The following SV2C variants were observed in gnomAD, a reference collection of about 807,000 sequenced individuals.
SV2C encodes synaptic vesicle glycoprotein 2C.
In SV2C, 49 loss-of-function variants were observed where a neutral mutation model predicts 79.7. The ratio of observed to expected loss-of-function variants is 0.61; its 90% CI spans 0.49 to 0.78. SV2C has a LOEUF of 0.78. Ranked by LOEUF, SV2C falls within the 30% of genes least tolerant of loss-of-function variation. The pLI is 0.00. For missense variants in SV2C, 833 were observed against 912.9 expected (o/e 0.91, Z 1.13); for synonymous variants, 334 against 333.2 (o/e 1.00, Z -0.03).
chr5:75,943,233 G>A, the SV2C span, among the ~76,000 whole-genome samples: 5 of 152,130 alleles, frequency 3.3e-5, no homozygotes, highest in Non-Finnish European at 7.4e-5. Flanking sequence ...TCACGCTATT[G>A]CTTGGAAGAG....
chr5:76,099,662 C>A (rs1747673711), intron 1 of SV2C, among the ~76,000 whole-genome samples: 1 of 152,190 alleles, frequency 6.6e-6, no homozygotes, highest in East Asian at 1.9e-4. Flanking sequence ...AACATAACAT[C>A]TTCTCAGGCT....
intron 1 of SV2C, among the ~76,000 whole-genome samples, chr5:76,114,199 C>T (rs1203222804): frequency 6.6e-6 from 1 of 152,150 alleles, no homozygotes; most frequent in African/African-American, 2.4e-5. Flanking sequence ...TGCCTCCCTT[C>T]TAGAGGCCAC....
the SV2C span, among the ~76,000 whole-genome samples, chr5:76,057,675 G>A: frequency 6.6e-6 from 1 of 152,074 alleles, no homozygotes; most frequent in African/African-American, 2.4e-5. Context: ...CACCTCTACT[G>A]TATATCAATG....
At chr5:75,905,257 C>T in the SV2C span, among the ~76,000 whole-genome samples, 189 of 152,312 alleles carry the variant, frequency 1.2e-3, 2 homozygotes, top group African/African-American at 4.3e-3. Context: ...CCAGGAGCTA[C>T]TGCTAGTGAT....
intron 12 of SV2C, among the ~76,000 whole-genome samples, chr5:76,345,234 C>T (rs1749517296): frequency 6.6e-6 from 1 of 152,182 alleles, no homozygotes; most frequent in Non-Finnish European, 1.5e-5. Context: ...AGATCTAGTC[C>T]CTGCCCTCAC....
the SV2C span, among the ~76,000 whole-genome samples, chr5:75,968,308 T>C: frequency 6.6e-6 from 1 of 152,076 alleles, no homozygotes; most frequent in Non-Finnish European, 1.5e-5. Context: ...CACCAGCAAC[T>C]GAACAAAGCT....
At chr5:76,350,280 T>C (rs1405476561) in intron 12 of SV2C, among the ~76,000 whole-genome samples, 1 of 152,090 alleles carries the variant, frequency 6.6e-6, no homozygotes. Flanking sequence ...CTATCTTCTA[T>C]CCCTCATTCC....
chr5:75,950,473 A>G, the SV2C span, among the ~76,000 whole-genome samples: 1 of 152,040 alleles, frequency 6.6e-6, no homozygotes, highest in Admixed American at 6.6e-5. Flanking sequence ...CAAACATATG[A>G]AAACTTCTAT....
the SV2C span, among the ~76,000 whole-genome samples, chr5:76,030,266 GTTTTTTT>G: frequency 1.6e-4 from 5 of 31,958 alleles, no homozygotes; most frequent in East Asian, 1.4e-3. Flanking sequence ...TCAGAGGCTT[GTTTTTTT>G]TTTTTTTTTT....
chr5:76,113,870 C>T (rs533213055), intron 1 of SV2C, among the ~76,000 whole-genome samples: 2 of 152,268 alleles, frequency 1.3e-5, no homozygotes, highest in East Asian at 3.9e-4. Context: ...ACCTAGATCT[C>T]TTACGCTACT....
At chr5:75,954,186 G>A in the SV2C span, among the ~76,000 whole-genome samples, 139 of 152,014 alleles carry the variant, frequency 9.1e-4, no homozygotes, top group South Asian at 0.02. Flanking sequence ...ATTCTCTCTA[G>A]AATTTGAGAG....
chr5:76,299,085 G>C (rs1289685199), intron 10 of SV2C, among the ~76,000 whole-genome samples, 158 bp downstream of exon 10: 1 of 152,214 alleles, frequency 6.6e-6, no homozygotes, highest in Non-Finnish European at 1.5e-5. Flanking sequence ...AGGTTGGCTT[G>C]TATTGTTTGT....
the SV2C span, among the ~76,000 whole-genome samples, chr5:76,069,639 C>T: frequency 3.9e-5 from 6 of 152,104 alleles, no homozygotes; most frequent in Non-Finnish European, 5.9e-5. Context: ...CAGAGGCAGC[C>T]GAATCATTCT....
intron 4 of SV2C, among the ~76,000 whole-genome samples, chr5:76,259,585 G>A (rs1746398374): frequency 6.6e-6 from 1 of 151,988 alleles, no homozygotes; most frequent in African/African-American, 2.4e-5. Flanking sequence ...TTGTCCTAAT[G>A]CTCTCCCTCC....
chr5:76,047,436 A>G, the SV2C span, among the ~76,000 whole-genome samples: 59 of 152,318 alleles, frequency 3.9e-4, no homozygotes, highest in African/African-American at 1.4e-3. Context: ...CAGTTTGTGT[A>G]TTCTCAGGTT....
At chr5:76,298,952 T>C (rs1439828337) in intron 10 of SV2C, 25 bp downstream of exon 10, 2 of 1,610,244 alleles carry the variant, frequency 1.2e-6, no homozygotes, top group African/African-American at 2.7e-5. Context: ...TAGTACTGCC[T>C]CTACCTGAGG....
At chr5:76,048,176 T>C in the SV2C span, among the ~76,000 whole-genome samples, 1 of 152,170 alleles carries the variant, frequency 6.6e-6, no homozygotes, top group African/African-American at 2.4e-5. Flanking sequence ...ATTATGGGAA[T>C]TGGTTCATGT....
At chr5:76,230,309 A>G (rs904556717) in intron 4 of SV2C, among the ~76,000 whole-genome samples, 5 of 145,874 alleles carry the variant, frequency 3.4e-5, no homozygotes, top group African/African-American at 1.4e-4. Flanking sequence ...AAAAGGGATA[A>G]TTAACAATGC....
At chr5:76,182,261 C>T (rs1378221994) in intron 2 of SV2C, among the ~76,000 whole-genome samples, 2 of 152,076 alleles carry the variant, frequency 1.3e-5, no homozygotes, top group East Asian at 1.9e-4. Context: ...TTGTTTAAGA[C>T]ATGACCCCCC....
Sources: allele counts gnomAD v4.1 joint callset (sites outside exome capture counted in the v4.1 genomes callset), GRCh38; gene constraint gnomAD v4.1.1; transcripts MANE v1.5; gene names NCBI Gene and HGNC (gene_info 2026-07-23, HGNC 2026-07-21).